LAT: variants seen among roughly 807,000 people sequenced by gnomAD.
LAT encodes the protein linker for activation of T cells, also known as linker for activation of T-cells family member 1.
In LAT, 12 loss-of-function variants were observed where a neutral mutation model predicts 39.1. That is an observed-to-expected ratio of 0.31 (90% CI 0.20 to 0.50). The LOEUF (loss-of-function observed/expected upper bound fraction) is 0.50, where lower values mean the gene tolerates loss of function less well. Among genes scored for constraint, LAT ranks in the 20% least tolerant of loss-of-function variants. The pLI is 0.98. For missense variants in LAT, 253 were observed against 308.0 expected (o/e 0.82, Z 1.34); for synonymous variants, 117 against 123.8 (o/e 0.95, Z 0.36).
upstream of LAT, chr16:28,985,027 T>C: frequency 7.0e-7 from 1 of 1,424,632 alleles, no homozygotes; most frequent in Non-Finnish European, 9.2e-7. The surrounding 1 kb of genome is among the most constrained non-coding windows in gnomAD (Gnocchi z 4.6). Context: ...GCTTGATGAT[T>C]TCCTGCCCTC....
upstream of LAT, chr16:28,985,017 G>A: frequency 7.0e-7 from 1 of 1,427,372 alleles, no homozygotes; most frequent in Non-Finnish European, 9.2e-7. The surrounding 1 kb of genome is among the most constrained non-coding windows in gnomAD (Gnocchi z 4.6). Flanking sequence ...CCGGCTGAGA[G>A]CTTGATGATT....
At position 28,986,713 on chromosome 16, in the gene LAT, C is replaced by T. The variant is rs1203974103; in HGVS notation, c.397C>T (p.Leu133=). The change falls in exon 7 of 12, where the codon CTG becomes TTG. Residue 133 remains leucine, a splice_region_variant and synonymous_variant. Coordinates refer to ENST00000395456, the MANE Select transcript of LAT (RefSeq NM_001014987.2). This position sits in a 1 kb window ranked among gnomAD's most constrained non-coding sequence, Gnocchi z 5.7. ...GGACGACTATCACAACCCAGGCTAC[C>T]TGTGAGTGGCCAGGTGGGAGGTGGG... is the stretch of plus-strand genomic sequence containing the variant. ...DEDDYHNPGY[L]VVLPDSTPAT... 6.2e-7 allele frequency: 1 copy of T among 1,612,586 alleles called. No homozygotes were observed. The highest frequency in any genetic ancestry group is 8.5e-7 in the Non-Finnish European group (1 of 1,179,232).
chr16:28,986,681 A>C lies in LAT; in HGVS notation c.365A>C (p.Glu122Ala). 6.2e-7 allele frequency: 1 copy of C among 1,613,808 alleles called. No homozygotes were observed. Among genetic ancestry groups the C allele is most frequent in the Non-Finnish European group, 8.5e-7 (1 of 1,179,880 alleles). The change falls in exon 7 of 12, where the codon GAG becomes GCG. Residue 122 changes from glutamate to alanine, a missense_variant. Transcript: ENST00000395456. This position sits in a 1 kb window ranked among gnomAD's most constrained non-coding sequence, Gnocchi z 5.7. ...NEEPACEDAD[E>A]DEDDYHNPGY... ...GAACCAGCCTGTGAGGATGCGGATG[A>C]GGATGAGGACGACTATCACAACCCA...
Position 28,989,774 on chromosome 16 carries a change from A to C in LAT, c.557A>C (p.Asp186Ala). The C allele has an allele frequency of 6.2e-7, 1 of 1,614,044 alleles. No individual in the cohort carries two copies. The highest frequency in any genetic ancestry group is 8.5e-7 in the Non-Finnish European group (1 of 1,180,014). ...ESGESAEASL[D>A]GSREYVNVSQ... ...CCCTCCTTCTGATCTGTCCCCACAG[A>C]TGGCAGCCGGGAGTATGTGAATGTG... The change falls in exon 10 of 12, where the codon GAT (aspartate) becomes GCT (alanine). Residue 186 changes from aspartate to alanine, a missense_variant and splice_region_variant. Coordinates refer to ENST00000395456, the MANE Select transcript of LAT (RefSeq NM_001014987.2).
upstream of LAT, chr16:28,985,020 T>G: frequency 7.0e-7 from 1 of 1,423,382 alleles, no homozygotes. This position sits in a 1 kb window ranked among gnomAD's most constrained non-coding sequence, Gnocchi z 4.6. Context: ...GCTGAGAGCT[T>G]GATGATTTCC....
chr16:28,986,172 C>G lies in LAT; in HGVS notation c.201C>G (p.Val67=). 6.2e-7 allele frequency: 1 copy of G among 1,604,334 alleles called. No individual in the cohort carries two copies. The highest frequency in any genetic ancestry group is 1.7e-4 in the Middle Eastern group (1 of 6,000). The change falls in exon 4 of 12, where the codon GTC becomes GTG. Residue 67 remains valine (V), a synonymous_variant. Coordinates refer to ENST00000395456, the MANE Select transcript of LAT (RefSeq NM_001014987.2). This position sits in a 1 kb window ranked among gnomAD's most constrained non-coding sequence, Gnocchi z 5.7. Reference sequence around the variant, plus strand: ...CCTGGCCACCTGCCTACCCACCTGTCACCTCCTACCCACCCCTGAGCCAGC... The same window carrying G: ...CCTGGCCACCTGCCTACCCACCTGTGACCTCCTACCCACCCCTGAGCCAGC... The part of the protein sequence containing the change: ...VAPWPPAYPP[V]TSYPPLSQPD...
chr16:28,988,950 C>CCGAG (rs1965817002), intron 8 of LAT: 1 of 153,106 alleles, frequency 6.5e-6, no homozygotes, highest in Admixed American at 6.5e-5. Context: ...TTGCGGTGAG[C>CCGAG]CGAGATTGCA....
chr16:28,986,993 C>T lies in LAT; in HGVS notation c.493+100C>T, dbSNP rs1365085761. The T allele has an allele frequency of 1.0e-5, 10 of 972,722 alleles. No homozygotes were observed. Among genetic ancestry groups the T allele is most frequent in the Non-Finnish European group, 1.5e-5 (10 of 657,728 alleles). 60.3% of individuals were successfully genotyped at this position (972,722 alleles called of 1,614,324 possible). A position where few individuals can be genotyped will look rare whatever the true frequency, so the allele number is the denominator to read the frequency against. On this transcript the variant is annotated intron_variant, in intron 8 of 11. Coordinates refer to ENST00000395456, the MANE Select transcript of LAT (RefSeq NM_001014987.2). This position sits in a 1 kb window ranked among gnomAD's most constrained non-coding sequence, Gnocchi z 5.7. ...GCTGCAGCCTTGAACTCCTGGGCTC[C>T]AGTGATCCTCCCAAGTAGGCTACTC...
rs1402526588 is a variant in LAT at position 28,986,140 on chromosome 16, G to A, written c.169G>A (p.Val57Ile). ...ACTTGGTTCTGTGTCCTCAGACACG[G>A]TTGCCCCCTGGCCACCTGCCTACCC... is the stretch of plus-strand genomic sequence containing the variant. Reference protein sequence around the residue: ...RGIQFKRPHTVAPWPPAYPPV... With the variant: ...RGIQFKRPHTIAPWPPAYPPV... The change falls in exon 4 of 12, where the codon GTT (valine) becomes ATT (isoleucine). Residue 57 changes from valine to isoleucine, a missense_variant. Coordinates refer to ENST00000395456, the MANE Select transcript of LAT (RefSeq NM_001014987.2). The surrounding 1 kb of genome is among the most constrained non-coding windows in gnomAD (Gnocchi z 5.7). 4 of 1,594,826 alleles carry A rather than the reference G, an allele frequency of 2.5e-6. No homozygotes were observed. The highest frequency in any genetic ancestry group is 3.4e-6 in the Non-Finnish European group (4 of 1,170,990).
chr16:28,985,406 G>C lies in LAT; in HGVS notation c.-12G>C, dbSNP rs943215153. 3.7e-6 allele frequency: 6 copies of C among 1,613,134 alleles called. No individual in the cohort carries two copies. The highest frequency in any genetic ancestry group is 5.1e-6 in the Non-Finnish European group (6 of 1,179,884). On this transcript the variant is annotated 5_prime_UTR_variant, in exon 1 of 12. Coordinates refer to ENST00000395456, the MANE Select transcript of LAT (RefSeq NM_001014987.2). The surrounding 1 kb of genome is among the most constrained non-coding windows in gnomAD (Gnocchi z 4.6). ...TAGGGGTGCAGCCAGCCTGCTCCGA[G>C]CTCCCCTGCAGATGGAGGAGGCCAT...
intron 8 of LAT, among the ~76,000 whole-genome samples, 167 bp downstream of exon 8, chr16:28,987,060 A>G (rs1235407460): frequency 6.6e-6 from 1 of 152,014 alleles, no homozygotes; most frequent in Non-Finnish European, 1.5e-5. Flanking sequence ...GGCGCATGCC[A>G]CCACACCTAG....
chr16:28,984,832 C>T, upstream of LAT: 2 of 1,549,260 alleles, frequency 1.3e-6, no homozygotes, highest in Middle Eastern at 1.7e-4. Flanking sequence ...GTCAGGGCCT[C>T]CCTGCTCGCT....
At chr16:28,984,824 C>T (rs964982832), upstream of LAT, 6 of 1,545,300 alleles carry the variant, frequency 3.9e-6, no homozygotes, top group African/African-American at 2.7e-5. Flanking sequence ...TTCCCACTGT[C>T]AGGGCCTCCC....
At position 28,985,277 on chromosome 16, in the gene LAT, C is replaced by T. The variant is rs1965717387; in HGVS notation, c.-141C>T. 19 of 1,463,044 alleles carry T rather than the reference C, an allele frequency of 1.3e-5. No individual in the cohort carries two copies. Among genetic ancestry groups the T allele is most frequent in the Non-Finnish European group, 1.7e-5 (19 of 1,108,340 alleles). 90.6% of individuals were successfully genotyped at this position (1,463,044 alleles called of 1,614,324 possible). A position where few individuals can be genotyped will look rare whatever the true frequency, so the allele number is the denominator to read the frequency against. ...GCCCCGGGGAGGGCACAGCTGCCTC[C>T]TCCCGGGCTCCCCTGCCACCTGGTG... On this transcript the variant is annotated 5_prime_UTR_variant, in exon 1 of 12. Transcript: ENST00000395456. This position sits in a 1 kb window ranked among gnomAD's most constrained non-coding sequence, Gnocchi z 4.6.
intron 8 of LAT, among the ~76,000 whole-genome samples, chr16:28,987,109 A>G (rs757563340): frequency 1.1e-4 from 17 of 151,938 alleles, no homozygotes; most frequent in Admixed American, 2.6e-4. Context: ...TGGTCTCACT[A>G]TGTTGCCCAG....
chr16:28,987,283 AT>A (rs1190716453), intron 8 of LAT, among the ~76,000 whole-genome samples: 33 of 150,586 alleles, frequency 2.2e-4, no homozygotes, highest in Admixed American at 5.3e-4. Context: ...CATCTGGGAG[AT>A]TTCCTTGTCT....
At position 28,989,830 on chromosome 16, in the gene LAT, ACTGAG is replaced by A; in HGVS notation, c.615_619del (p.Glu206CysfsTer45). The A allele has an allele frequency of 6.2e-7, 1 of 1,614,088 alleles. No individual in the cohort carries two copies. Among genetic ancestry groups the A allele is most frequent in the Non-Finnish European group, 8.5e-7 (1 of 1,180,006 alleles). The stretch of plus-strand genomic sequence containing the variant: ...GGAACTGCATCCTGGAGCGGCTAAG[ACTGAG>A]CCTGGTGTGTTCTGCGGGAGGGGCA... On this transcript the variant is annotated frameshift_variant, in exon 10 of 12. Transcript: ENST00000395456. LOFTEE classifies it high-confidence loss of function.
Position 28,990,333 on chromosome 16 carries a change from C to T in LAT, c.*152C>T, listed in dbSNP as rs1292177425. The T allele has an allele frequency of 1.8e-6, 1 of 567,148 alleles. No individual in the cohort carries two copies. 35.1% of individuals were successfully genotyped at this position (567,148 alleles called of 1,614,324 possible). ...GAAATCCCCCCGTAACTTATTATCA[C>T]TTTGGGGTTCGGCCTGTGTCCCCCG... On this transcript the variant is annotated 3_prime_UTR_variant, in exon 12 of 12. Transcript: ENST00000395456.
In LAT at chr16:28,985,680, C is replaced by T. The variant is rs1235992000; in HGVS notation, c.101-33C>T. On this transcript the variant is annotated intron_variant, in intron 1 of 11. Transcript: ENST00000395456. This position sits in a 1 kb window ranked among gnomAD's most constrained non-coding sequence, Gnocchi z 4.6. Reference sequence around the variant, plus strand: ...CAGCACCTTCTGCCCTAAGCACCCCCTGTTCCTGCCTCACCAGCCCTCTCT... The same window carrying T: ...CAGCACCTTCTGCCCTAAGCACCCCTTGTTCCTGCCTCACCAGCCCTCTCT... The T allele has an allele frequency of 1.2e-6, 2 of 1,613,474 alleles. No homozygotes were observed. Among genetic ancestry groups the T allele is most frequent in the African/African-American group, 2.7e-5 (2 of 74,888 alleles).
Sources: gnomAD v4.1 joint callset for allele counts (sites outside exome capture counted in the v4.1 genomes callset) on GRCh38, gnomAD v4.1.1 for gene constraint, Gnocchi (gnomAD v3.1) non-coding constraint, MANE v1.5 for transcripts, NCBI Gene and HGNC (gene_info 2026-07-23, HGNC 2026-07-21) for gene names.